The following STARD13 variants were observed in gnomAD, a reference collection of about 807,000 sequenced individuals.
The protein encoded by STARD13 is StAR related lipid transfer domain containing 13, also known as stAR-related lipid transfer protein 13.
STARD13 carries 62 observed loss-of-function variants against 106.4 expected under a neutral mutation model. That is an observed-to-expected ratio of 0.58 (90% CI 0.48 to 0.72). The LOEUF (loss-of-function observed/expected upper bound fraction) is 0.72. STARD13 is among the 30% of genes least tolerant of loss of function. STARD13 has a pLI of 0.00. For missense variants in STARD13, 1,387 were observed against 1,424.0 expected (o/e 0.97, Z 0.42); for synonymous variants, 565 against 553.0 (o/e 1.02, Z -0.31).
the STARD13 span, among the ~76,000 whole-genome samples, chr13:33,386,853 C>T: frequency 6.6e-6 from 1 of 151,994 alleles, no homozygotes; most frequent in African/African-American, 2.4e-5. Flanking sequence ...ACAGACCTGC[C>T]CTCCTCACTC....
At chr13:33,540,074 A>G in the STARD13 span, among the ~76,000 whole-genome samples, 1 of 152,236 alleles carries the variant, frequency 6.6e-6, no homozygotes, top group East Asian at 1.9e-4. Context: ...ATTTGATAAA[A>G]AGACCTGTCA....
chr13:33,428,224 C>T, the STARD13 span, among the ~76,000 whole-genome samples: 28 of 152,178 alleles, frequency 1.8e-4, no homozygotes, highest in East Asian at 5.8e-4. Context: ...AACAAAACTG[C>T]TAAATGAAAA....
At chr13:33,332,194 C>T (rs1217749511) in intron 1 of STARD13, among the ~76,000 whole-genome samples, 1 of 152,164 alleles carries the variant, frequency 6.6e-6, no homozygotes, top group Non-Finnish European at 1.5e-5. Flanking sequence ...CCCACCTATC[C>T]ACAGACACTT....
At chr13:33,446,981 T>C in the STARD13 span, among the ~76,000 whole-genome samples, 3 of 152,350 alleles carry the variant, frequency 2.0e-5, no homozygotes, top group East Asian at 3.9e-4. Context: ...GGCTACTTGT[T>C]CTCTCTCTTT....
At chr13:33,248,977 G>T (rs1450559818) in intron 1 of STARD13, among the ~76,000 whole-genome samples, 1 of 152,116 alleles carries the variant, frequency 6.6e-6, no homozygotes, top group Non-Finnish European at 1.5e-5. Flanking sequence ...GAAGAGAAAA[G>T]AAAACAAAAC....
chr13:33,325,715 C>G (rs1245910493), intron 1 of STARD13, among the ~76,000 whole-genome samples: 1 of 152,112 alleles, frequency 6.6e-6, no homozygotes, highest in Non-Finnish European at 1.5e-5. Context: ...AGAAAAGTGG[C>G]CGGGCGCGGT....
the STARD13 span, among the ~76,000 whole-genome samples, chr13:33,368,316 T>C: frequency 1.3e-5 from 2 of 152,232 alleles, no homozygotes; most frequent in Admixed American, 1.3e-4. Context: ...GCTCTCTTTA[T>C]ACTCAAATGT....
At chr13:33,132,172 C>A (rs1015404840) in intron 4 of STARD13, among the ~76,000 whole-genome samples, 1 of 152,186 alleles carries the variant, frequency 6.6e-6, no homozygotes, top group African/African-American at 2.4e-5. Context: ...AGCCAAGGTA[C>A]AGAAAAGAAT....
the STARD13 span, among the ~76,000 whole-genome samples, chr13:33,456,395 G>A: frequency 1.2e-3 from 184 of 152,188 alleles, no homozygotes; most frequent in Non-Finnish European, 2.0e-3. Context: ...TCACCATGTT[G>A]GCCAGGCTGG....
At chr13:33,477,767 A>G in the STARD13 span, among the ~76,000 whole-genome samples, 2 of 152,372 alleles carry the variant, frequency 1.3e-5, no homozygotes, top group African/African-American at 4.8e-5. Flanking sequence ...AATGAGGAGA[A>G]GGTACTGAAA....
At chr13:33,344,919 T>C (rs983384401), downstream of STARD13, among the ~76,000 whole-genome samples, 55 of 152,336 alleles carry the variant, frequency 3.6e-4, no homozygotes, top group African/African-American at 1.3e-3. Flanking sequence ...GTCATTTGAA[T>C]GTTCTTAGAC....
intron 1 of STARD13, among the ~76,000 whole-genome samples, chr13:33,175,988 A>G (rs1290270400): frequency 6.6e-6 from 1 of 152,170 alleles, no homozygotes; most frequent in South Asian, 2.1e-4. Flanking sequence ...TGAAAGAAGG[A>G]GCACAGATTC....
chr13:33,370,730 C>T, the STARD13 span, among the ~76,000 whole-genome samples: 8 of 151,102 alleles, frequency 5.3e-5, no homozygotes, highest in African/African-American at 9.7e-5. Flanking sequence ...GTGATTCTCC[C>T]GCCTCAGCCT....
At chr13:33,618,695 A>G in the STARD13 span, among the ~76,000 whole-genome samples, 1 of 152,076 alleles carries the variant, frequency 6.6e-6, no homozygotes, top group African/African-American at 2.4e-5. Flanking sequence ...TCCATCATTG[A>G]ACAGCAGGGG....
the STARD13 span, among the ~76,000 whole-genome samples, chr13:33,628,099 A>C: frequency 2.0e-5 from 3 of 147,852 alleles, no homozygotes; most frequent in African/African-American, 5.0e-5. Context: ...CAAGGTAATG[A>C]GTTGGGATAA....
intron 3 of STARD13, among the ~76,000 whole-genome samples, chr13:33,151,135 G>GA (rs35511638): frequency 0.43 from 65,370 of 151,008 alleles, 14,603 homozygotes; most frequent in South Asian, 0.54. Context: ...AGAATTACAG[G>GA]AAAAAAAAAT....
chr13:33,186,147 G>A, intron 1 of STARD13: 1 of 1,117,434 alleles, frequency 8.9e-7, no homozygotes, highest in South Asian at 1.8e-5. Context: ...GAGATTCCAA[G>A]CCTCCACACT....
chr13:33,570,719 G>A, the STARD13 span, among the ~76,000 whole-genome samples: 8 of 152,200 alleles, frequency 5.3e-5, no homozygotes, highest in East Asian at 1.2e-3. Context: ...CTTTAGATGC[G>A]TTTAACGGAG....
chr13:33,555,279 C>A, the STARD13 span, among the ~76,000 whole-genome samples: 1 of 152,192 alleles, frequency 6.6e-6, no homozygotes, highest in African/African-American at 2.4e-5. Context: ...AAGCCCATGT[C>A]TGCTATTTCT....
Sources: gnomAD v4.1 joint callset for allele counts (sites outside exome capture counted in the v4.1 genomes callset) on GRCh38, gnomAD v4.1.1 for gene constraint, MANE v1.5 for transcripts, NCBI Gene and HGNC (gene_info 2026-07-23, HGNC 2026-07-21) for gene names.